HOXA10: variants seen among roughly 807,000 people sequenced by gnomAD.
HOXA10 encodes homeobox protein Hox-A10.
HOXA10 carries 12 observed loss-of-function variants against 29.7 expected under a neutral mutation model. That is an observed-to-expected ratio of 0.40 (90% CI 0.26 to 0.65). The LOEUF (loss-of-function observed/expected upper bound fraction) is 0.65, where lower values mean the gene tolerates loss of function less well. Ranked by LOEUF, HOXA10 falls within the 30% of genes least tolerant of loss-of-function variation. The probability of loss-of-function intolerance (pLI) is 0.37; values close to 1 mark genes in which losing one functional copy is unlikely to be tolerated. For missense variants in HOXA10, 656 were observed against 585.9 expected (o/e 1.12, Z -1.24); for synonymous variants, 327 against 280.7 (o/e 1.16, Z -1.65).
chr7:27,178,480 C>A (rs1223943120), upstream of HOXA10, among the ~76,000 whole-genome samples: 1 of 152,206 alleles, frequency 6.6e-6, no homozygotes, highest in Non-Finnish European at 1.5e-5. Context: ...AGTGTTGGGG[C>A]CTTTTCACAC....
chr7:27,174,450 A>G (rs965270693), upstream of HOXA10: 9 of 1,366,086 alleles, frequency 6.6e-6, no homozygotes, highest in African/African-American at 1.3e-4. Flanking sequence ...GGGCGCCCTC[A>G]GAGCCCGCGA....
intron 1 of HOXA10, chr7:27,172,424 G>T (rs925881708): frequency 7.0e-6 from 4 of 572,368 alleles, no homozygotes; most frequent in Non-Finnish European, 1.2e-5. Context: ...CTGTTTTAGC[G>T]CTAAGCCGTA....
chr7:27,173,546 G>A lies in HOXA10; in HGVS notation c.761C>T (p.Pro254Leu). Residue 254 changes from proline (P) to leucine (L), a missense_variant, in exon 1 of 2, where the codon CCC (proline) becomes CTC (leucine). Physicochemically the swap from Pro to Leu is moderately conservative, Grantham distance 98 (BLOSUM62 -3). Around this residue, in one of 2 missense-constraint regions of HOXA10, gnomAD observed 594 missense variants for 491.9 expected, o/e 1.21. Transcript: ENST00000283921. ...ATCGGCCGAGCCGGAGGCTAGCGCG[G>A]GCGGGAGATCGAAACCGCGCCCCGG... The part of the protein sequence containing the change: ...QPPGRGFDLP[P>L]ALASGSADAA... 1 of 1,455,142 alleles carries A rather than the reference G, an allele frequency of 6.9e-7. No homozygotes were observed. The highest frequency in any genetic ancestry group is 2.8e-5 in the East Asian group (1 of 35,396). The allele number at this position is 1,455,142 out of a possible 1,614,324, so 90.1% of individuals were successfully genotyped here.
rs1236968597 is a variant in HOXA10 at position 27,173,391 on chromosome 7, G to C, written c.916C>G (p.Pro306Ala). The change falls in exon 1 of 2, where the codon CCT becomes GCT. Residue 306 changes from proline (P) to alanine (A), a missense_variant. Physicochemically the swap from Pro to Ala is conservative, Grantham distance 27 (BLOSUM62 -1). Transcript: ENST00000283921. ...SSAAEELSPA[P>A]SESSKASPEK... ...GGCGAGGCTTTGCTGCTCTCGGAAG[G>C]GGCCGGGGAGAGCTCCTCCGCGGCC... is the stretch of plus-strand genomic sequence containing the variant. The C allele has an allele frequency of 1.2e-6, 2 of 1,611,688 alleles. No individual in the cohort carries two copies. The highest frequency in any genetic ancestry group is 8.5e-7 in the Non-Finnish European group (1 of 1,179,674).
At chr7:27,172,981 A>G (rs1783540981) in intron 1 of HOXA10, 2 of 301,360 alleles carry the variant, frequency 6.6e-6, no homozygotes, top group South Asian at 8.7e-5. Context: ...CGGGCGAGCT[A>G]CTTTCCCTCC....
At position 27,171,872 on chromosome 7, in the gene HOXA10, GAA is replaced by G; in HGVS notation, c.*25_*26del. The G allele has an allele frequency of 1.9e-6, 3 of 1,613,716 alleles. No individual in the cohort carries two copies. The highest frequency in any genetic ancestry group is 2.5e-6 in the Non-Finnish European group (3 of 1,179,734). ...GGGAGGGGACCAGCGCTCGGGAAGT[GAA>G]AAAACCGCGTCGCCTGGAGATTCAT... is the stretch of plus-strand genomic sequence containing the variant. On this transcript the variant is annotated 3_prime_UTR_variant, in exon 2 of 2. Transcript: ENST00000283921.
chr7:27,178,025 T>TCTGAAG (rs1300869480), upstream of HOXA10, among the ~76,000 whole-genome samples: 2 of 152,248 alleles, frequency 1.3e-5, no homozygotes, highest in African/African-American at 4.8e-5. Flanking sequence ...GTACTCCTTC[T>TCTGAAG]GAGTAGGCCC....
At chr7:27,174,674 G>A (rs1783616455), upstream of HOXA10, 1 of 295,224 alleles carries the variant, frequency 3.4e-6, no homozygotes, top group South Asian at 3.8e-5. Context: ...TGTTTATGGT[G>A]CGCGCCCAGT....
chr7:27,173,479 G>A lies in HOXA10; in HGVS notation c.828C>T (p.Pro276=), dbSNP rs772165927. ...CCCCGCCGCTGCCGCAAGCCAGCGT[G>A]GGGGGCGGCGGCGAATCGAGGGCTC... ...KERALDSPPP[P]TLACGSGGGS... is the part of the protein sequence containing the mutation. The change falls in exon 1 of 2, where the codon CCC becomes CCT. Residue 276 remains proline (P), a synonymous_variant. Transcript: ENST00000283921. 6.4e-7 allele frequency: 1 copy of A among 1,556,694 alleles called. No individual in the cohort carries two copies. Among genetic ancestry groups the A allele is most frequent in the African/African-American group, 1.4e-5 (1 of 72,202 alleles).
intron 1 of HOXA10, among the ~76,000 whole-genome samples, chr7:27,179,438 A>G (rs1379469934): frequency 6.6e-6 from 1 of 151,776 alleles, no homozygotes; most frequent in African/African-American, 2.4e-5. Flanking sequence ...ATTCGCCTTG[A>G]GTGAAATGCT....
At chr7:27,175,744 C>G (rs1056270968), upstream of HOXA10, among the ~76,000 whole-genome samples, 2 of 152,322 alleles carry the variant, frequency 1.3e-5, no homozygotes, top group Middle Eastern at 3.4e-3. Flanking sequence ...TAGGCCTGCC[C>G]GCCCCTCCGG....
chr7:27,173,478 T>C lies in HOXA10; in HGVS notation c.829A>G (p.Thr277Ala), dbSNP rs1301571382. Residue 277 changes from threonine (T) to alanine (A), a missense_variant, in exon 1 of 2, where the codon ACG becomes GCG. This residue lies in a region of HOXA10 where 594 missense variants were observed against 491.9 expected (regional missense o/e 1.21). Coordinates refer to ENST00000283921, the MANE Select transcript of HOXA10 (RefSeq NM_018951.4). Reference sequence around the variant, plus strand: ...CCCCCGCCGCTGCCGCAAGCCAGCGTGGGGGGCGGCGGCGAATCGAGGGCT... The same window carrying C: ...CCCCCGCCGCTGCCGCAAGCCAGCGCGGGGGGCGGCGGCGAATCGAGGGCT... ...ERALDSPPPP[T>A]LACGSGGGSQ... 6.4e-7 allele frequency: 1 copy of C among 1,564,732 alleles called. No individual in the cohort carries two copies. The highest frequency in any genetic ancestry group is 8.6e-7 in the Non-Finnish European group (1 of 1,159,462).
rs1783590350 is a variant in HOXA10, at chr7:27,174,010, ACCGCCACCGCTGC to A, written c.284_296del (p.Gly95ValfsTer5). On this transcript the variant is annotated frameshift_variant, in exon 1 of 2. Transcript: ENST00000283921. LOFTEE classifies it high-confidence loss of function. ...GCGCCCCGGGACCTAGACCCCCGCC[ACCGCCACCGCTGC>A]CCGGCGACGCTGCCTCATTGCGCTT... 6.5e-7 allele frequency: 1 copy of A among 1,528,036 alleles called. No individual in the cohort carries two copies. Among genetic ancestry groups the A allele is most frequent in the Non-Finnish European group, 8.7e-7 (1 of 1,143,814 alleles). The allele number at this position is 1,528,036 out of a possible 1,614,324, so 94.7% of individuals were successfully genotyped here.
In HOXA10 at chr7:27,170,972, A is replaced by C. The variant is rs1003980797; in HGVS notation, c.*927T>G. The C allele has an allele frequency of 3.7e-5, 17 of 453,610 alleles. No homozygotes were observed. Among genetic ancestry groups the C allele is most frequent in the African/African-American group, 1.6e-4 (8 of 49,830 alleles). The allele number at this position is 453,610 out of a possible 1,614,324, so 28.1% of individuals were successfully genotyped here. ...GAAAGCAAAAACAAACAAAAAAAAA[A>C]CTTTTTGTTCAAGGCGATTTAAAAA... On this transcript the variant is annotated 3_prime_UTR_variant, in exon 2 of 2. Transcript: ENST00000283921.
rs1166097878 is a variant in HOXA10, at chr7:27,170,796, G to C, written c.*1103C>G. 1 of 435,298 alleles carries C rather than the reference G, an allele frequency of 2.3e-6. No homozygotes were observed. The highest frequency in any genetic ancestry group is 7.0e-5 in the East Asian group (1 of 14,234). The allele number at this position is 435,298 out of a possible 1,614,324, so 27.0% of individuals were successfully genotyped here. On this transcript the variant is annotated 3_prime_UTR_variant, in exon 2 of 2. Transcript: ENST00000283921. ...CTTCATAATAATAGACATTTATACA[G>C]ATTTGTATTTATAGTTTTTTTCTTT... is the stretch of plus-strand genomic sequence containing the variant.
At position 27,173,419 on chromosome 7, in the gene HOXA10, G is replaced by A. The variant is rs1562510492; in HGVS notation, c.888C>T (p.Ser296=). 1 of 1,608,174 alleles carries A rather than the reference G, an allele frequency of 6.2e-7. No individual in the cohort carries two copies. Among genetic ancestry groups the A allele is most frequent in the East Asian group, 2.2e-5 (1 of 44,650 alleles). ...SQGDEEAHAS[S]SAAEELSPAP... ...CCGGGGAGAGCTCCTCCGCGGCCGAGGACGACGCGTGCGCCTCCTCGTCGC... is the reference window on the plus strand; with the variant it reads ...CCGGGGAGAGCTCCTCCGCGGCCGAAGACGACGCGTGCGCCTCCTCGTCGC... The change falls in exon 1 of 2, where the codon TCC becomes TCT. Residue 296 remains serine, a synonymous_variant. Transcript: ENST00000283921.
chr7:27,173,712 C>A lies in HOXA10; in HGVS notation c.595G>T (p.Gly199Cys). The A allele has an allele frequency of 6.3e-7, 1 of 1,577,768 alleles. No individual in the cohort carries two copies. Among genetic ancestry groups the A allele is most frequent in the Non-Finnish European group, 8.6e-7 (1 of 1,162,634 alleles). Reference sequence around the variant, plus strand: ...CCGCTGGAGGTGCCCAGGGCGCAGCCGTCGGGCGGCGGGCCCCGCGGGAAG... The same window carrying A: ...CCGCTGGAGGTGCCCAGGGCGCAGCAGTCGGGCGGCGGGCCCCGCGGGAAG... Reference protein sequence around the residue: ...APFPRGPPPDGCALGTSSGVP... With the variant: ...APFPRGPPPDCCALGTSSGVP... The change falls in exon 1 of 2, where the codon GGC becomes TGC. Residue 199 changes from glycine to cysteine, a missense_variant. Gly to Cys is a radical substitution (Grantham distance 159). Coordinates refer to ENST00000283921, the MANE Select transcript of HOXA10 (RefSeq NM_018951.4).
chr7:27,179,641 C>T, intron 1 of HOXA10: 1 of 778,840 alleles, frequency 1.3e-6, no homozygotes, highest in South Asian at 1.4e-5. Context: ...CTTGTGGCCT[C>T]TTACCTTGAC....
upstream of HOXA10, among the ~76,000 whole-genome samples, chr7:27,175,423 C>T (rs1783636552): frequency 6.6e-6 from 1 of 152,252 alleles, no homozygotes; most frequent in East Asian, 1.9e-4. Context: ...CTCCCATACC[C>T]TCAGCTAGGG....
Sources: gnomAD v4.1 joint callset for allele counts (sites outside exome capture counted in the v4.1 genomes callset) on GRCh38, gnomAD v4.1.1 for gene constraint, gnomAD v4.1.1 regional missense constraint, MANE v1.5 for transcripts, NCBI Gene and HGNC (gene_info 2026-07-23, HGNC 2026-07-21) for gene names.